Variants in MMP16 observed in about 807,000 individuals in gnomAD.
MMP16 encodes matrix metalloproteinase-16.
A neutral mutation model predicts 67.8 loss-of-function variants in MMP16; 12 were observed. That is an observed-to-expected ratio of 0.18 (90% CI 0.11 to 0.29). The LOEUF (loss-of-function observed/expected upper bound fraction) is 0.29, where lower values mean the gene tolerates loss of function less well. Among genes scored for constraint, MMP16 ranks in the 10% least tolerant of loss-of-function variants. The pLI, the probability that MMP16 is intolerant of heterozygous loss-of-function variation, is 1.00. For missense variants in MMP16, 475 were observed against 765.7 expected (o/e 0.62, Z 4.48); for synonymous variants, 249 against 255.9 (o/e 0.97, Z 0.26).
At chr8:88,237,518 G>C (rs1019021198) in intron 1 of MMP16, among the ~76,000 whole-genome samples, 3 of 151,966 alleles carry the variant, frequency 2.0e-5, no homozygotes, top group Non-Finnish European at 4.4e-5. Context: ...CGTAGTGGCG[G>C]GTGCCTGTTA....
chr8:88,178,999 A>T (rs1008602231), intron 3 of MMP16, among the ~76,000 whole-genome samples: 1 of 152,100 alleles, frequency 6.6e-6, no homozygotes, highest in African/African-American at 2.4e-5. Flanking sequence ...GAGAGAAAAT[A>T]CACACAATGA....
Position 88,034,125 on chromosome 8 carries a change from G to T in MMP16, c.*7336C>A, listed in dbSNP as rs768541297. ...AACTTTGCTGGGACTGTCTTTGCAT[G>T]GAAGTTTTGACGAAAAATACTGAGG... On this transcript the variant is annotated 3_prime_UTR_variant, in exon 10 of 10. Coordinates refer to ENST00000286614, the MANE Select transcript of MMP16 (RefSeq NM_005941.5). The T allele has an allele frequency of 6.6e-6, 1 of 151,820 alleles. No homozygotes were observed. Among genetic ancestry groups the T allele is most frequent in the Non-Finnish European group, 1.5e-5 (1 of 67,928 alleles). 9.4% of individuals were successfully genotyped at this position (151,820 alleles called of 1,614,324 possible).
intron 4 of MMP16, among the ~76,000 whole-genome samples, chr8:88,147,452 T>C (rs1808312637): frequency 6.6e-6 from 1 of 152,046 alleles, no homozygotes; most frequent in Non-Finnish European, 1.5e-5. Flanking sequence ...TTCATCAATA[T>C]TATTTCATCT....
At position 88,116,600 on chromosome 8, in the gene MMP16, G is replaced by T. The variant is rs1450279866; in HGVS notation, c.990C>A (p.Thr330=). The change falls in exon 6 of 10, where the codon ACC becomes ACA. Residue 330 remains threonine (T), a synonymous_variant. Coordinates refer to ENST00000286614, the MANE Select transcript of MMP16 (RefSeq NM_005941.5). The part of the protein sequence containing the change: ...NDRPKPPRPP[T]GRPSYPGAKP... The stretch of plus-strand genomic sequence containing the variant: ...TGGCTCCGGGATAGGAGGGTCTGCC[G>T]GTTGGAGGCCGAGGAGGTTTTGGCC... The T allele has an allele frequency of 6.2e-7, 1 of 1,613,708 alleles. No individual in the cohort carries two copies. The highest frequency in any genetic ancestry group is 8.5e-7 in the Non-Finnish European group (1 of 1,179,884).
At chr8:88,046,826 C>T (rs1808205226) in intron 8 of MMP16, 42 bp from the exon 9 acceptor site, 3 of 1,276,410 alleles carry the variant, frequency 2.4e-6, no homozygotes, top group South Asian at 1.3e-5. Flanking sequence ...CAATAACACA[C>T]ATATAGGGAA....
Position 88,039,049 on chromosome 8 carries a change from G to A in MMP16, c.*2412C>T, listed in dbSNP as rs1185396138. ...CATAAACATGTAGTTTAACCAAAAGGCATTCTAATTTTCATGCTACGTTGA... is the reference window on the plus strand; with the variant it reads ...CATAAACATGTAGTTTAACCAAAAGACATTCTAATTTTCATGCTACGTTGA... On this transcript the variant is annotated 3_prime_UTR_variant, in exon 10 of 10. Coordinates refer to ENST00000286614, the MANE Select transcript of MMP16 (RefSeq NM_005941.5). This position sits in a 1 kb window ranked among gnomAD's most constrained non-coding sequence, Gnocchi z 4.5. The A allele has an allele frequency of 1.3e-5, 2 of 152,330 alleles. No homozygotes were observed. Among genetic ancestry groups the A allele is most frequent in the Admixed American group, 1.3e-4 (2 of 15,208 alleles). 9.4% of individuals were successfully genotyped at this position (152,330 alleles called of 1,614,324 possible).
intron 1 of MMP16, among the ~76,000 whole-genome samples, chr8:88,240,903 T>C (rs1189968933): frequency 1.3e-5 from 2 of 152,218 alleles, no homozygotes; most frequent in Admixed American, 6.5e-5. Context: ...CAGCATTGTA[T>C]GTTTATTATG....
chr8:88,253,257 T>C (rs993580058), intron 1 of MMP16, among the ~76,000 whole-genome samples: 3 of 152,126 alleles, frequency 2.0e-5, no homozygotes, highest in African/African-American at 4.8e-5. Context: ...ATTGCCCTCA[T>C]ACATAAGTAT....
chr8:88,070,158 T>C (rs759605353), intron 7 of MMP16, among the ~76,000 whole-genome samples: 5 of 152,186 alleles, frequency 3.3e-5, no homozygotes, highest in Non-Finnish European at 5.9e-5. Flanking sequence ...TAAACATCTT[T>C]GTCTTGTTCC....
intron 4 of MMP16, among the ~76,000 whole-genome samples, chr8:88,127,129 T>G (rs1275394475): frequency 1.3e-5 from 2 of 151,850 alleles, no homozygotes; most frequent in Non-Finnish European, 2.9e-5. Flanking sequence ...CACCAACTGG[T>G]TAAACATGGT....
intron 4 of MMP16, among the ~76,000 whole-genome samples, chr8:88,140,670 C>A (rs1364293231): frequency 6.6e-6 from 1 of 152,004 alleles, no homozygotes; most frequent in Non-Finnish European, 1.5e-5. Context: ...TAACTAAGTT[C>A]TTTTTAATAT....
chr8:88,298,922 AT>A (rs1811055677), intron 1 of MMP16, among the ~76,000 whole-genome samples: 1 of 152,184 alleles, frequency 6.6e-6, no homozygotes, highest in Non-Finnish European at 1.5e-5. Flanking sequence ...GTTTTTAATC[AT>A]TAAAAAAAGT....
chr8:88,286,823 A>G (rs1810840450), intron 1 of MMP16, among the ~76,000 whole-genome samples: 1 of 152,068 alleles, frequency 6.6e-6, no homozygotes, highest in Non-Finnish European at 1.5e-5. Flanking sequence ...TGCCCACCTC[A>G]GCCTCCCAAA....
chr8:88,265,081 A>G (rs1810453505), intron 1 of MMP16, among the ~76,000 whole-genome samples: 1 of 152,006 alleles, frequency 6.6e-6, no homozygotes, highest in Non-Finnish European at 1.5e-5. Context: ...CTACCTAAAA[A>G]CCCTTTGCTG....
At chr8:88,255,298 C>T (rs1810284644) in intron 1 of MMP16, among the ~76,000 whole-genome samples, 1 of 152,174 alleles carries the variant, frequency 6.6e-6, no homozygotes, top group African/African-American at 2.4e-5. Flanking sequence ...CCAGATCCCC[C>T]TTCACCTTTC....
In MMP16 at chr8:88,056,269, T is replaced by A; in HGVS notation, c.1232A>T (p.Tyr411Phe). 3 of 1,554,824 alleles carry A rather than the reference T, an allele frequency of 1.9e-6. No individual in the cohort carries two copies. The highest frequency in any genetic ancestry group is 1.7e-6 in the Non-Finnish European group (2 of 1,144,280). The change falls in exon 8 of 10, where the codon TAT (tyrosine) becomes TTT (phenylalanine). Residue 411 changes from tyrosine (Y) to phenylalanine (F), a missense_variant. Around this residue, in one of 5 missense-constraint regions of MMP16, gnomAD observed 195 missense variants for 300.9 expected, o/e 0.65. Coordinates refer to ENST00000286614, the MANE Select transcript of MMP16 (RefSeq NM_005941.5). ...GNFVFFKGNK[Y>F]WVFKDTTLQP... ...AAGAGTTGTATCCTTGAACACCCAA[T>A]ATTTGTTACCTGTATGGAATAAGTG...
chr8:88,057,982 T>G (rs1379207704), intron 7 of MMP16, among the ~76,000 whole-genome samples: 1 of 151,536 alleles, frequency 6.6e-6, no homozygotes, highest in Non-Finnish European at 1.5e-5. Context: ...AAACAGAGGT[T>G]GAGGAAAAAA....
At chr8:88,296,346 T>C (rs1811013246) in intron 1 of MMP16, among the ~76,000 whole-genome samples, 1 of 152,114 alleles carries the variant, frequency 6.6e-6, no homozygotes, top group Admixed American at 6.5e-5. Flanking sequence ...TGTGATTTTC[T>C]GTCTGTATAT....
At chr8:88,075,304 A>G (rs1238961588) in intron 6 of MMP16, among the ~76,000 whole-genome samples, 1 of 152,204 alleles carries the variant, frequency 6.6e-6, no homozygotes, top group African/African-American at 2.4e-5. Context: ...AAAATAAATC[A>G]TCGCAGAGGA....
Sources: allele counts gnomAD v4.1 joint callset (sites outside exome capture counted in the v4.1 genomes callset), GRCh38; gene constraint gnomAD v4.1.1; regional missense constraint gnomAD v4.1.1; non-coding constraint Gnocchi (gnomAD v3.1); transcripts MANE v1.5; gene names NCBI Gene and HGNC (gene_info 2026-07-23, HGNC 2026-07-21).